GPATCH2: variants seen among roughly 807,000 people sequenced by gnomAD.
GPATCH2 encodes G patch domain-containing protein 2.
In GPATCH2, 51 loss-of-function variants were observed where a neutral mutation model predicts 58.0. The ratio of observed to expected loss-of-function variants is 0.88; its 90% CI spans 0.70 to 1.11. GPATCH2 has a LOEUF of 1.11. Ranked by LOEUF, GPATCH2 falls within the 50% of genes most tolerant of loss-of-function variation. The pLI, the probability that GPATCH2 is intolerant of heterozygous loss-of-function variation, is 0.00. For synonymous variants in GPATCH2, 222 were observed against 218.5 expected (o/e 1.02, Z -0.14); for missense variants, 625 against 652.2 (o/e 0.96, Z 0.45).
chr1:217,587,993 ACT>A (rs975270142), intron 5 of GPATCH2, among the ~76,000 whole-genome samples: 3 of 152,128 alleles, frequency 2.0e-5, no homozygotes, highest in African/African-American at 7.2e-5. Context: ...ACAGCCCAAC[ACT>A]GTTTCCTTTA....
At chr1:217,456,303 C>T (rs1219381121) in intron 8 of GPATCH2, among the ~76,000 whole-genome samples, 1 of 152,204 alleles carries the variant, frequency 6.6e-6, no homozygotes, top group Non-Finnish European at 1.5e-5. Context: ...GTGCTCACCC[C>T]TGGCTCCTGT....
chr1:217,565,444 A>C (rs1666175432), intron 5 of GPATCH2, among the ~76,000 whole-genome samples: 1 of 152,202 alleles, frequency 6.6e-6, no homozygotes, highest in Non-Finnish European at 1.5e-5. Context: ...AAAGAAAAAC[A>C]ATACTTTCCA....
intron 5 of GPATCH2, among the ~76,000 whole-genome samples, chr1:217,598,442 C>T (rs934130138): frequency 3.3e-5 from 5 of 149,778 alleles, no homozygotes; most frequent in African/African-American, 1.2e-4. Flanking sequence ...TAACCATCAA[C>T]ATTAAAAAAA....
At chr1:217,504,118 C>T (rs1571821461) in intron 6 of GPATCH2, among the ~76,000 whole-genome samples, 1 of 152,226 alleles carries the variant, frequency 6.6e-6, no homozygotes, top group East Asian at 1.9e-4. Context: ...ATTCAAGCGC[C>T]AAAGTCCTGT....
rs1194984628 is a variant in GPATCH2, at chr1:217,520,369, G to A, written c.1099-5480C>T. Among the ~76,000 whole-genome samples the A allele has an allele frequency of 2.0e-5, 3 of 152,170 alleles. No individual in the cohort carries two copies. In the East Asian group the frequency reaches 5.8e-4, roughly 29 times the overall value. On this transcript the variant is annotated intron_variant, in intron 5 of 9. Coordinates refer to ENST00000366935, the MANE Select transcript of GPATCH2 (RefSeq NM_018040.5). Reference sequence around the variant, plus strand: ...TACTAAGGTTATGGAATATAACTCAGTTTTCCAATGGAGAAAATGCCTCAA... The same window carrying A: ...TACTAAGGTTATGGAATATAACTCAATTTTCCAATGGAGAAAATGCCTCAA...
chr1:217,485,137 G>A (rs912101838), intron 8 of GPATCH2, among the ~76,000 whole-genome samples: 3 of 152,174 alleles, frequency 2.0e-5, no homozygotes, highest in African/African-American at 7.2e-5. Flanking sequence ...CTTCATCTGA[G>A]TTTGTGGGCC....
chr1:217,609,186 A>G, intron 5 of GPATCH2: 1 of 982,526 alleles, frequency 1.0e-6, no homozygotes, highest in Non-Finnish European at 1.2e-6. Flanking sequence ...AAATTATACC[A>G]TCAATAGAAA....
intron 5 of GPATCH2, chr1:217,608,485 A>G: frequency 6.1e-6 from 6 of 985,248 alleles, no homozygotes; most frequent in Non-Finnish European, 7.2e-6. Flanking sequence ...AATACCATGA[A>G]GCTAGCCTAT....
intron 8 of GPATCH2, among the ~76,000 whole-genome samples, chr1:217,484,818 T>C (rs1661387123): frequency 6.6e-6 from 1 of 151,212 alleles, no homozygotes; most frequent in African/African-American, 2.4e-5. Flanking sequence ...TATATGTGTA[T>C]ATAGATATAT....
intron 5 of GPATCH2, among the ~76,000 whole-genome samples, chr1:217,556,651 C>A: frequency 6.6e-6 from 1 of 152,162 alleles, no homozygotes; most frequent in East Asian, 1.9e-4. Context: ...TATACTATTA[C>A]AAAGATTGCT....
At chr1:217,445,818 G>A (rs910943057) in intron 9 of GPATCH2, among the ~76,000 whole-genome samples, 2 of 152,056 alleles carry the variant, frequency 1.3e-5, no homozygotes, top group Non-Finnish European at 2.9e-5. Context: ...TTTCTAAAGC[G>A]ACTGAAATTA....
At chr1:217,547,909 C>A (rs1302733001) in intron 5 of GPATCH2, among the ~76,000 whole-genome samples, 7 of 152,124 alleles carry the variant, frequency 4.6e-5, no homozygotes, top group Admixed American at 1.3e-4. Flanking sequence ...CTCAAGAGAT[C>A]TGGTTGTCTG....
intron 1 of GPATCH2, among the ~76,000 whole-genome samples, chr1:217,622,120 C>T (rs1669218074): frequency 6.6e-6 from 1 of 152,156 alleles, no homozygotes; most frequent in South Asian, 2.1e-4. Context: ...ATTAATTTAG[C>T]ACCAGGTAGT....
intron 2 of GPATCH2, 76 bp downstream of exon 2, chr1:217,619,707 A>G (rs1669084793): frequency 1.9e-6 from 1 of 516,662 alleles, no homozygotes; most frequent in South Asian, 5.8e-5. Context: ...TTAAAATAGA[A>G]TTAATTAAAA....
intron 5 of GPATCH2, among the ~76,000 whole-genome samples, chr1:217,525,806 T>A (rs1663875161): frequency 6.6e-6 from 1 of 152,186 alleles, no homozygotes; most frequent in Admixed American, 6.5e-5. Context: ...TAACAAATTA[T>A]TAATATAGCT....
At chr1:217,537,577 T>C (rs1024702014) in intron 5 of GPATCH2, among the ~76,000 whole-genome samples, 4 of 152,132 alleles carry the variant, frequency 2.6e-5, no homozygotes, top group Non-Finnish European at 5.9e-5. Flanking sequence ...AATATTAAAA[T>C]ATGAGGTGAA....
intron 5 of GPATCH2, among the ~76,000 whole-genome samples, chr1:217,590,516 A>G (rs926443054): frequency 2.0e-5 from 3 of 152,262 alleles, no homozygotes; most frequent in Non-Finnish European, 4.4e-5. Flanking sequence ...GAAATGATAC[A>G]TCTTTTCAGC....
rs967472867 is a variant in GPATCH2, at chr1:217,427,347, T to C, written c.*3798A>G. The C allele has an allele frequency of 1.3e-5, 2 of 152,182 alleles. No homozygotes were observed. The highest frequency in any genetic ancestry group is 1.3e-4 in the Admixed American group (2 of 15,270). 9.4% of individuals were successfully genotyped at this position (152,182 alleles called of 1,614,324 possible). On this transcript the variant is annotated 3_prime_UTR_variant, in exon 10 of 10. Transcript: ENST00000366935. ...TTTGTGAATCAAATACATTTACCAA[T>C]ATTTTTCTCTAATTTTTTTGAGATA...
At chr1:217,457,570 A>G (rs1660002525) in intron 8 of GPATCH2, among the ~76,000 whole-genome samples, 1 of 152,196 alleles carries the variant, frequency 6.6e-6, no homozygotes, top group African/African-American at 2.4e-5. Context: ...CTTTCCATAC[A>G]ATACATGCAG....
Sources: allele counts gnomAD v4.1 joint callset (sites outside exome capture counted in the v4.1 genomes callset), GRCh38; gene constraint gnomAD v4.1.1; transcripts MANE v1.5; gene names NCBI Gene and HGNC (gene_info 2026-07-23, HGNC 2026-07-21).